The following METTL22 variants were observed in gnomAD, a reference collection of about 807,000 sequenced individuals.
METTL22 encodes methyltransferase-like protein 22.
Under a neutral mutation model 48.4 loss-of-function variants are expected in METTL22, and 51 were observed. That is an observed-to-expected ratio of 1.05 (90% CI 0.84 to 1.33). The LOEUF is 1.33. Among genes scored for constraint, METTL22 ranks in the 40% most tolerant of loss-of-function variants. The probability of loss-of-function intolerance (pLI) is 0.00; values close to 1 mark genes in which losing one functional copy is unlikely to be tolerated. For synonymous variants in METTL22, 255 were observed against 214.1 expected (o/e 1.19, Z -1.67); for missense variants, 678 against 526.9 (o/e 1.29, Z -2.81).
intron 6 of METTL22, among the ~76,000 whole-genome samples, 158 bp from the exon 7 acceptor site, chr16:8,640,973 G>GCTGTCTGGCTGT (rs562521267): frequency 0.11 from 4,258 of 40,244 alleles, 487 homozygotes; most frequent in Middle Eastern, 0.14. Context: ...TGGCTGGCTG[G>GCTGTCTGGCTGT]CTGGCTGGCT....
chr16:8,661,594 G>A, the METTL22 span, among the ~76,000 whole-genome samples: 3 of 124,622 alleles, frequency 2.4e-5, no homozygotes, highest in South Asian at 2.6e-4. Context: ...GCAGTGAGCC[G>A]AGATTGAGCC....
At chr16:8,622,935 A>G (rs1414662820) in intron 1 of METTL22, among the ~76,000 whole-genome samples, 2 of 152,216 alleles carry the variant, frequency 1.3e-5, no homozygotes, top group Non-Finnish European at 2.9e-5. Flanking sequence ...GTGTGTCTAT[A>G]CTTAAAATTT....
At chr16:8,630,191 A>G (rs927394769) in intron 3 of METTL22, among the ~76,000 whole-genome samples, 3 of 53,762 alleles carry the variant, frequency 5.6e-5, no homozygotes, top group African/African-American at 8.5e-5. Flanking sequence ...CTCTGTATCT[A>G]TCTGCTCAGC....
Position 8,646,276 on chromosome 16 carries a change from C to G in METTL22, c.*133C>G, listed in dbSNP as rs756038659. 11 of 1,170,726 alleles carry G rather than the reference C, an allele frequency of 9.4e-6. No homozygotes were observed. Among genetic ancestry groups the G allele is most frequent in the South Asian group, 1.3e-5 (1 of 77,122 alleles). The allele number at this position is 1,170,726 out of a possible 1,614,324, so 72.5% of individuals were successfully genotyped here. On this transcript the variant is annotated 3_prime_UTR_variant, in exon 11 of 11. Coordinates refer to ENST00000381920, the MANE Select transcript of METTL22 (RefSeq NM_024109.4). ...TATGGTTACACGTACCTTAGATGAC[C>G]CAAGATGGTTTTCTGGGGTCTGTCC...
At chr16:8,632,296 G>A (rs1023699623) in intron 3 of METTL22, among the ~76,000 whole-genome samples, 4 of 152,154 alleles carry the variant, frequency 2.6e-5, no homozygotes, top group African/African-American at 7.2e-5. Context: ...ATCAGCATCA[G>A]CAGAAAGCAC....
At position 8,625,589 on chromosome 16, in the gene METTL22, T is replaced by C; in HGVS notation, c.-77T>C. The C allele has an allele frequency of 6.6e-7, 1 of 1,520,850 alleles. No homozygotes were observed. The highest frequency in any genetic ancestry group is 1.8e-5 in the Admixed American group (1 of 57,020). The allele number at this position is 1,520,850 out of a possible 1,614,324, so 94.2% of individuals were successfully genotyped here. On this transcript the variant is annotated 5_prime_UTR_variant, in exon 2 of 11. Coordinates refer to ENST00000381920, the MANE Select transcript of METTL22 (RefSeq NM_024109.4). ...GCTTGGACCTGTCTGCAGTATCTCCTCTGGGACCTGCCATGCTGAGGACCC... is the reference window on the plus strand; with the variant it reads ...GCTTGGACCTGTCTGCAGTATCTCCCCTGGGACCTGCCATGCTGAGGACCC...
At chr16:8,645,805 C>G (rs1596371271) in intron 10 of METTL22, 1 of 586,842 alleles carries the variant, frequency 1.7e-6, no homozygotes, top group African/African-American at 2.0e-5. Flanking sequence ...AAGATCTCCC[C>G]CAAAATGGAG....
the METTL22 span, among the ~76,000 whole-genome samples, chr16:8,655,957 A>T: frequency 6.6e-6 from 1 of 152,190 alleles, no homozygotes; most frequent in Non-Finnish European, 1.5e-5. Flanking sequence ...ATAGTTCTTG[A>T]AGACTCACCA....
Position 8,635,160 on chromosome 16 carries a change from C to T in METTL22, c.556-8C>T. On this transcript the variant is annotated splice_polypyrimidine_tract_variant and splice_region_variant and intron_variant, in intron 4 of 10. Coordinates refer to ENST00000381920, the MANE Select transcript of METTL22 (RefSeq NM_024109.4). ...GCTGCTTGTCGCTCCTTGTCCTCTTCCCTCCAGGTGTGGCGGGGCGCCCTG... is the reference window on the plus strand; with the variant it reads ...GCTGCTTGTCGCTCCTTGTCCTCTTTCCTCCAGGTGTGGCGGGGCGCCCTG... 1 of 1,613,294 alleles carries T rather than the reference C, an allele frequency of 6.2e-7. No homozygotes were observed. Among genetic ancestry groups the T allele is most frequent in the Middle Eastern group, 1.7e-4 (1 of 5,882 alleles).
the METTL22 span, among the ~76,000 whole-genome samples, chr16:8,665,801 A>C: frequency 2.0e-5 from 3 of 152,238 alleles, no homozygotes; most frequent in Non-Finnish European, 4.4e-5. Flanking sequence ...CCCCTGGAAT[A>C]GACCATTTAG....
chr16:8,646,024 C>CATGCCTGCTCCGTGGCTGACGTG, intron 10 of METTL22, 84 bp from the exon 11 acceptor site: 3 of 1,598,076 alleles, frequency 1.9e-6, no homozygotes, highest in South Asian at 1.1e-5. Context: ...AACTACTCTC[C>CATGCCTGCTCCGTGGCTGACGTG]TTGGTGAATC....
chr16:8,629,750 T>G (rs1216989110), intron 3 of METTL22, among the ~76,000 whole-genome samples: 3 of 151,406 alleles, frequency 2.0e-5, no homozygotes, highest in Non-Finnish European at 4.4e-5. Context: ...AGCAGAGGGG[T>G]TTGCTGACTC....
chr16:8,641,714 T>C, intron 7 of METTL22: 1 of 392,942 alleles, frequency 2.5e-6, no homozygotes, highest in South Asian at 2.1e-5. Context: ...TGCCTAGCAC[T>C]TTGCGCACCG....
chr16:8,640,210 G>A (rs1359566945), intron 6 of METTL22, among the ~76,000 whole-genome samples: 1 of 152,214 alleles, frequency 6.6e-6, no homozygotes, highest in Non-Finnish European at 1.5e-5. Context: ...TCAGGGTACA[G>A]TAGGCAGTCA....
intron 1 of METTL22, chr16:8,624,026 A>C (rs2055953004): frequency 6.6e-6 from 1 of 152,210 alleles, no homozygotes; most frequent in South Asian, 2.1e-4. Context: ...TCTGCTCAGC[A>C]GTTTACCCAC....
At chr16:8,635,009 G>C in intron 3 of METTL22, 30 bp from the exon 4 acceptor site, 1 of 1,612,840 alleles carries the variant, frequency 6.2e-7, no homozygotes, top group Non-Finnish European at 8.5e-7. Context: ...TTTCACAGTG[G>C]GCATTTCTCT....
intron 6 of METTL22, among the ~76,000 whole-genome samples, chr16:8,640,903 T>TGGATGGAG (rs2056586162): frequency 1.9e-5 from 1 of 51,946 alleles, no homozygotes; most frequent in African/African-American, 6.5e-5. Context: ...AATGGATGGA[T>TGGATGGAG]GGATGGATGG....
intron 1 of METTL22, among the ~76,000 whole-genome samples, chr16:8,622,300 G>C (rs537647838): frequency 6.6e-6 from 1 of 152,356 alleles, no homozygotes; most frequent in African/African-American, 2.4e-5. Context: ...GAGGAGGGAA[G>C]TTATTTCAAC....
chr16:8,642,689 A>G (rs2056661888), intron 9 of METTL22, 124 bp downstream of exon 9: 1 of 898,148 alleles, frequency 1.1e-6, no homozygotes, highest in South Asian at 1.3e-5. Context: ...AGCACCTACT[A>G]TGTGCCAGGT....
Sources: gnomAD v4.1 joint callset for allele counts (sites outside exome capture counted in the v4.1 genomes callset) on GRCh38, gnomAD v4.1.1 for gene constraint, MANE v1.5 for transcripts, NCBI Gene and HGNC (gene_info 2026-07-23, HGNC 2026-07-21) for gene names.